The following GK variants were observed in gnomAD, a reference collection of about 807,000 sequenced individuals.
GK encodes the protein glycerol kinase.
GK carries 9 observed loss-of-function variants against 56.4 expected under a neutral mutation model. The ratio of observed to expected loss-of-function variants is 0.16; its 90% CI spans 0.10 to 0.28. The LOEUF (loss-of-function observed/expected upper bound fraction) is 0.28, where lower values mean the gene tolerates loss of function less well. Ranked by LOEUF, GK falls within the 10% of genes least tolerant of loss-of-function variation. The pLI is 1.00. For synonymous variants in GK, 104 were observed against 144.1 expected, an observed-to-expected ratio of 0.72 and a Z score of 1.99; for missense variants, 161 against 431.4, an observed-to-expected ratio of 0.37 and a Z score of 5.55.
At chrX:30,688,872 C>T (rs756944661) in intron 4 of GK, among the ~76,000 whole-genome samples, 5 of 112,139 alleles carry the variant, frequency 4.5e-5, no homozygotes, top group Admixed American at 3.8e-4. Flanking sequence ...TGAAAAAACA[C>T]GGTCTAGAAT....
At chrX:30,665,000 T>A (rs1265231161) in intron 1 of GK, among the ~76,000 whole-genome samples, 1 of 111,365 alleles carries the variant, frequency 9.0e-6, no homozygotes, top group Non-Finnish European at 1.9e-5. Flanking sequence ...CCACCGTGTC[T>A]GGTCTTCTAT....
At chrX:30,714,975 TAG>T (rs967998580) in intron 13 of GK, among the ~76,000 whole-genome samples, 2 of 112,409 alleles carry the variant, frequency 1.8e-5, no homozygotes, top group African/African-American at 3.2e-5. Context: ...AAAAATGCTA[TAG>T]AGTTAGACAC....
chrX:30,674,474 A>T, intron 3 of GK: 1 of 300,626 alleles, frequency 3.3e-6, no homozygotes, highest in Non-Finnish European at 6.5e-6. Flanking sequence ...CTGGTAATCC[A>T]TCCTCTCCTG....
At chrX:30,708,980 C>T (rs937594559) in intron 13 of GK, among the ~76,000 whole-genome samples, 14 of 111,147 alleles carry the variant, frequency 1.3e-4, no homozygotes, top group African/African-American at 4.6e-4. Flanking sequence ...ATTTTTCTCC[C>T]TTCCCCACCC....
At chrX:30,662,763 TTCCTTCTC>T (rs1172628717) in intron 1 of GK, among the ~76,000 whole-genome samples, 47 of 95,873 alleles carry the variant, frequency 4.9e-4, no homozygotes, top group African/African-American at 7.3e-4. Flanking sequence ...CCTTCCTTCC[TTCCTTCTC>T]TCTCTCTCTC....
chrX:30,664,666 A>T (rs1445247032), intron 1 of GK, among the ~76,000 whole-genome samples: 1 of 100,739 alleles, frequency 9.9e-6, no homozygotes, highest in African/African-American at 3.6e-5. Flanking sequence ...GGGGCCAAGT[A>T]TATACTTATC....
intron 3 of GK, among the ~76,000 whole-genome samples, chrX:30,669,486 C>T (rs1020336453): frequency 2.7e-5 from 3 of 111,177 alleles, no homozygotes; most frequent in Non-Finnish European, 5.7e-5. Context: ...CCAGCGAAGT[C>T]CTAGTAGTTT....
chrX:30,717,796 C>A (rs375939801), intron 13 of GK, among the ~76,000 whole-genome samples: 5 of 111,460 alleles, frequency 4.5e-5, no homozygotes, highest in East Asian at 2.8e-4. Context: ...TAGTAAGAAC[C>A]TTCACATATA....
chrX:30,704,361 G>A (rs1296957350), intron 11 of GK, among the ~76,000 whole-genome samples: 1 of 107,554 alleles, frequency 9.3e-6, no homozygotes, highest in Non-Finnish European at 1.9e-5. Flanking sequence ...AACTTCCTGG[G>A]CTCAAGCAAT....
intron 1 of GK, among the ~76,000 whole-genome samples, chrX:30,661,718 G>A (rs1162520440): frequency 2.7e-5 from 3 of 111,702 alleles, no homozygotes; most frequent in Non-Finnish European, 5.6e-5. Context: ...AAGTTGCAGT[G>A]AGCTGAGATT....
intron 11 of GK, among the ~76,000 whole-genome samples, chrX:30,706,505 C>T (rs1332962865): frequency 9.0e-6 from 1 of 111,694 alleles, no homozygotes; most frequent in African/African-American, 3.3e-5. Context: ...TTGGGCAGAG[C>T]CAAGCAAGGG....
intron 13 of GK, among the ~76,000 whole-genome samples, chrX:30,718,145 A>C (rs1355520058): frequency 8.9e-6 from 1 of 112,044 alleles, no homozygotes; most frequent in African/African-American, 3.2e-5. Context: ...AGATATGGGA[A>C]ACAGACTTGA....
Position 30,719,423 on chromosome X carries a change from A to G in GK, c.1059A>G (p.Lys353=), listed in dbSNP as rs781369325. 8.7e-7 allele frequency: 1 copy of G among 1,153,817 alleles called. No homozygotes were observed. The highest frequency in any genetic ancestry group is 1.8e-5 in the South Asian group (1 of 55,506). The change falls in exon 15 of 21, where the codon AAA becomes AAG. Residue 353 remains lysine (K), a synonymous_variant. Coordinates refer to ENST00000427190, the MANE Select transcript of GK (RefSeq NM_001205019.2). ...GIIKTSEEIE[K]LAKEVGTSYG... is the part of the protein sequence containing the mutation. ...TTGTTTTGTTTTTAATGTTAGAAAAACTTGCTAAAGAAGTAGGTACTTCTT... is the reference window on the plus strand; with the variant it reads ...TTGTTTTGTTTTTAATGTTAGAAAAGCTTGCTAAAGAAGTAGGTACTTCTT...
In GK at chrX:30,657,417, A is replaced by T. The variant is rs144438834; in HGVS notation, c.78+3802A>T. Reference sequence around the variant, plus strand: ...AGAGTAGGAACTTCTTGGAAAGAGAATTAGTGTAACAGGTTTTAAGGAGGG... The same window carrying T: ...AGAGTAGGAACTTCTTGGAAAGAGATTTAGTGTAACAGGTTTTAAGGAGGG... On this transcript the variant is annotated intron_variant, in intron 1 of 20. Coordinates refer to ENST00000427190, the MANE Select transcript of GK (RefSeq NM_001205019.2). Among the ~76,000 whole-genome samples the T allele has an allele frequency of 5.0e-3, 566 of 112,406 alleles. 3 individuals carry two copies. Among genetic ancestry groups the T allele is most frequent in the African/African-American group, 0.017 (531 of 30,984 alleles).
chrX:30,671,291 C>CAAAAAAAAAAAA (rs56822779), intron 3 of GK, among the ~76,000 whole-genome samples: 3 of 27,312 alleles, frequency 1.1e-4, no homozygotes, highest in African/African-American at 3.9e-4. Context: ...AACTCCATCT[C>CAAAAAAAAAAAA]AAAAAAAAAA....
At chrX:30,687,955 G>T (rs963060204) in intron 4 of GK, among the ~76,000 whole-genome samples, 1 of 111,947 alleles carries the variant, frequency 8.9e-6, no homozygotes, top group Non-Finnish European at 1.9e-5. Context: ...TATTCTAACT[G>T]CCTTAATGTC....
At chrX:30,660,882 G>A in intron 1 of GK, among the ~76,000 whole-genome samples, 1 of 101,904 alleles carries the variant, frequency 9.8e-6, no homozygotes, top group East Asian at 3.1e-4. Context: ...GCGTGATCTC[G>A]GCTCACTGCA....
intron 5 of GK, among the ~76,000 whole-genome samples, chrX:30,693,047 C>T (rs1427754906): frequency 1.2e-5 from 1 of 80,630 alleles, no homozygotes; most frequent in Non-Finnish European, 2.2e-5. Flanking sequence ...GACGGAGTCT[C>T]GCTCTGTCAC....
rs1937278785 is a variant in GK, at chrX:30,729,681, T to C, written c.*939T>C. 8.8e-6 allele frequency: 1 copy of C among 113,688 alleles called. No individual in the cohort carries two copies. The highest frequency in any genetic ancestry group is 1.9e-5 in the Non-Finnish European group (1 of 53,465). The allele number at this position is 113,688 out of a possible 1,213,427, so 9.4% of individuals were successfully genotyped here. ...AAGCCAACATTTAAAATTTATGTTT[T>C]ATGTCAATAAAAGAAAATATACTTT... On this transcript the variant is annotated 3_prime_UTR_variant, in exon 21 of 21. Transcript: ENST00000427190.
Sources: allele counts gnomAD v4.1 joint callset (sites outside exome capture counted in the v4.1 genomes callset), GRCh38; gene constraint gnomAD v4.1.1; transcripts MANE v1.5; gene names NCBI Gene and HGNC (gene_info 2026-07-23, HGNC 2026-07-21).